The following GLRA2 variants were observed in gnomAD, a reference collection of about 807,000 sequenced individuals.
GLRA2 encodes the protein glycine receptor subunit alpha-2.
GLRA2 carries 11 observed loss-of-function variants against 31.6 expected under a neutral mutation model. The ratio of observed to expected loss-of-function variants is 0.35; its 90% CI spans 0.22 to 0.58. The LOEUF (loss-of-function observed/expected upper bound fraction) is 0.58. Among genes scored for constraint, GLRA2 ranks in the 20% least tolerant of loss-of-function variants. The pLI, the probability that GLRA2 is intolerant of heterozygous loss-of-function variation, is 0.84. For synonymous variants in GLRA2, 132 were observed against 134.0 expected (o/e 0.99, Z 0.10); for missense variants, 212 against 351.8 (o/e 0.60, Z 3.18).
intron 7 of GLRA2, among the ~76,000 whole-genome samples, chrX:14,643,566 AG>A (rs773807973): frequency 8.9e-6 from 1 of 112,228 alleles, no homozygotes; most frequent in South Asian, 3.7e-4. Flanking sequence ...AATTGAGACA[AG>A]GAAGAAAGAA....
chrX:14,462,233 G>C, the GLRA2 span, among the ~76,000 whole-genome samples: 1 of 111,785 alleles, frequency 8.9e-6, no homozygotes, highest in Non-Finnish European at 1.9e-5. Flanking sequence ...AGTCTGATGG[G>C]CTTCCCTTTG....
chrX:14,566,170 A>T (rs776900779), intron 2 of GLRA2, among the ~76,000 whole-genome samples: 2 of 111,958 alleles, frequency 1.8e-5, no homozygotes, highest in Non-Finnish European at 3.8e-5. Flanking sequence ...TTAAGAGAAG[A>T]TTACGAATAA....
chrX:14,568,715 G>GAAAAAAA (rs201212410), intron 2 of GLRA2, among the ~76,000 whole-genome samples: 2 of 98,320 alleles, frequency 2.0e-5, no homozygotes. Flanking sequence ...AAAAAGAAAA[G>GAAAAAAA]AAAAAAAAGA....
At chrX:14,700,861 T>C (rs1167608377) in intron 8 of GLRA2, among the ~76,000 whole-genome samples, 1 of 109,280 alleles carries the variant, frequency 9.2e-6, no homozygotes, top group East Asian at 2.9e-4. Flanking sequence ...GATGAGAGAG[T>C]TGTTTATAGA....
chrX:14,703,951 A>G (rs1490481956), intron 8 of GLRA2, among the ~76,000 whole-genome samples: 1 of 111,795 alleles, frequency 8.9e-6, no homozygotes, highest in Non-Finnish European at 1.9e-5. Flanking sequence ...AACCTCTTGC[A>G]TGCAATCCCT....
At chrX:14,558,628 G>A (rs190269581) in intron 2 of GLRA2, among the ~76,000 whole-genome samples, 77 of 111,244 alleles carry the variant, frequency 6.9e-4, no homozygotes, top group African/African-American at 2.4e-3. Context: ...ATCCACATCA[G>A]GCAAATATAG....
chrX:14,568,280 T>C (rs1377734880), intron 2 of GLRA2, among the ~76,000 whole-genome samples: 1 of 112,291 alleles, frequency 8.9e-6, no homozygotes, highest in Non-Finnish European at 1.9e-5. Context: ...AGGATAAATA[T>C]GTTGACCAAT....
the GLRA2 span, among the ~76,000 whole-genome samples, chrX:14,466,533 T>C: frequency 3.6e-5 from 4 of 111,722 alleles, no homozygotes; most frequent in Admixed American, 1.9e-4. Flanking sequence ...TCATGCATTG[T>C]CTCCATTGGC....
intron 7 of GLRA2, among the ~76,000 whole-genome samples, chrX:14,648,622 G>A (rs766868035): frequency 3.6e-5 from 4 of 111,455 alleles, no homozygotes; most frequent in South Asian, 3.7e-4. Flanking sequence ...GCTTATATCC[G>A]AAACACAAAA....
the GLRA2 span, among the ~76,000 whole-genome samples, chrX:14,501,767 T>A: frequency 2.7e-5 from 3 of 111,914 alleles, no homozygotes; most frequent in African/African-American, 9.7e-5. Context: ...GTTGTATTAG[T>A]TTGCTCAAGC....
At chrX:14,449,621 C>T in the GLRA2 span, among the ~76,000 whole-genome samples, 1 of 112,275 alleles carries the variant, frequency 8.9e-6, no homozygotes, top group African/African-American at 3.2e-5. Context: ...CCAAGACTAC[C>T]TGCCTGGGTC....
chrX:14,508,761 C>G, the GLRA2 span, among the ~76,000 whole-genome samples: 101 of 111,705 alleles, frequency 9.0e-4, 1 homozygote, highest in Middle Eastern at 4.7e-3. Context: ...AAATGAATTT[C>G]AAGGTCACCA....
chrX:14,493,679 GTATACATA>G, the GLRA2 span, among the ~76,000 whole-genome samples: 1 of 85,372 alleles, frequency 1.2e-5, no homozygotes, highest in African/African-American at 4.8e-5. Flanking sequence ...GTATACATGT[GTATACATA>G]TACACGTATA....
chrX:14,508,518 T>C, the GLRA2 span, among the ~76,000 whole-genome samples: 2 of 111,819 alleles, frequency 1.8e-5, no homozygotes, highest in African/African-American at 6.5e-5. Flanking sequence ...ACAGTCCTTA[T>C]GGAGACATTT....
the GLRA2 span, among the ~76,000 whole-genome samples, chrX:14,505,804 G>T: frequency 9.0e-6 from 1 of 111,406 alleles, no homozygotes; most frequent in Non-Finnish European, 1.9e-5. Context: ...AAGCCAGGCT[G>T]GGAGACCTAT....
chrX:14,596,246 C>T (rs1361215617), intron 4 of GLRA2, among the ~76,000 whole-genome samples: 3 of 111,440 alleles, frequency 2.7e-5, no homozygotes, highest in South Asian at 7.6e-4. Flanking sequence ...AGTTCACTGC[C>T]TACTTTTGGC....
At chrX:14,461,064 G>C in the GLRA2 span, among the ~76,000 whole-genome samples, 1 of 111,536 alleles carries the variant, frequency 9.0e-6, no homozygotes. Context: ...TTGTGTATTT[G>C]TTCTCATTAT....
At chrX:14,565,203 T>A (rs1005481720) in intron 2 of GLRA2, among the ~76,000 whole-genome samples, 3 of 111,916 alleles carry the variant, frequency 2.7e-5, no homozygotes, top group African/African-American at 9.7e-5. Context: ...CAAACCATGA[T>A]TCAACTATAT....
chrX:14,643,668 T>C (rs1458554960), intron 7 of GLRA2, among the ~76,000 whole-genome samples: 1 of 111,916 alleles, frequency 8.9e-6, no homozygotes, highest in African/African-American at 3.2e-5. Flanking sequence ...CCAGGAATGT[T>C]ATTTGCTTTT....
Sources: gnomAD v4.1 joint callset for allele counts (sites outside exome capture counted in the v4.1 genomes callset) on GRCh38, gnomAD v4.1.1 for gene constraint, MANE v1.5 for transcripts, NCBI Gene and HGNC (gene_info 2026-07-23, HGNC 2026-07-21) for gene names.